The following IRF3 variants were observed in gnomAD, a reference collection of about 807,000 sequenced individuals.
IRF3 encodes interferon regulatory factor 3.
In IRF3, 29 loss-of-function variants were observed where a neutral mutation model predicts 43.2. The ratio of observed to expected loss-of-function variants is 0.67; its 90% confidence interval spans 0.50 to 0.91. The LOEUF (loss-of-function observed/expected upper bound fraction) is 0.91. IRF3 is among the 40% of genes least tolerant of loss of function. The pLI, the probability that IRF3 is intolerant of heterozygous loss-of-function variation, is 0.00. For synonymous variants in IRF3, 228 were observed against 233.9 expected (o/e 0.97, Z 0.23); for missense variants, 505 against 559.1 (o/e 0.90, Z 0.98).
At chr19:49,665,432 C>A (rs776450666) in intron 1 of IRF3, 199 bp downstream of exon 1, 3 of 191,018 alleles carry the variant, frequency 1.6e-5, no homozygotes, top group Admixed American at 5.4e-5. Context: ...AGTGTAGACG[C>A]CTCCTCTTTT....
chr19:49,665,556 C>T, intron 1 of IRF3, 75 bp downstream of exon 1: 1 of 427,372 alleles, frequency 2.3e-6, no homozygotes, highest in East Asian at 3.9e-5. Flanking sequence ...TTTCCACTCT[C>T]CGTGCAGACC....
intron 4 of IRF3, 40 bp downstream of exon 4, chr19:49,663,148 G>A (rs1267056043): frequency 6.5e-7 from 1 of 1,549,346 alleles, no homozygotes; most frequent in Non-Finnish European, 8.9e-7. Flanking sequence ...ATGGAGACAG[G>A]TCGGAGACTG....
chr19:49,665,818 A>G lies in IRF3; in HGVS notation c.-196T>C, dbSNP rs774082745. 6.3e-7 allele frequency: 1 copy of G among 1,585,278 alleles called. No individual in the cohort carries two copies. The highest frequency in any genetic ancestry group is 8.6e-7 in the Non-Finnish European group (1 of 1,158,606). ...ATCATTCTTTGGGTAACAGACCCAA[A>G]AGCCGATGGGACGGCCCGCTGGGCT... is the stretch of plus-strand genomic sequence containing the variant. On this transcript the variant is annotated 5_prime_UTR_variant, in exon 1 of 8. Coordinates refer to ENST00000377139, the MANE Select transcript of IRF3 (RefSeq NM_001571.6).
intron 4 of IRF3, 105 bp from the exon 5 acceptor site, chr19:49,662,722 C>T (rs2081395007): frequency 1.0e-6 from 1 of 963,028 alleles, no homozygotes. Flanking sequence ...CAGGCTTGAG[C>T]TCTGCCTTCA....
intron 4 of IRF3, 22 bp from the exon 5 acceptor site, chr19:49,662,639 G>T (rs986888522): frequency 6.6e-7 from 1 of 1,517,556 alleles, no homozygotes; most frequent in Middle Eastern, 1.7e-4. Context: ...CAAAAAAAGA[G>T]AATCAGGCAT....
In IRF3 at chr19:49,662,262, G is replaced by A. The variant is rs749588629; in HGVS notation, c.668C>T (p.Pro223Leu). ...GGACCCCACCAGCCGCAGGCCCTCC[G>A]GGCAGGAGATGGTCTGCTGGAAGAC... The part of the protein sequence containing the change: ...RQVFQQTISC[P>L]EGLRLVGSEV... The change falls in exon 6 of 8, where the codon CCG (proline) becomes CTG (leucine). Residue 223 changes from proline to leucine, a missense_variant. Physicochemically the swap from Pro to Leu is moderately conservative, Grantham distance 98 (BLOSUM62 -3). Transcript: ENST00000377139. The A allele has an allele frequency of 7.4e-6, 12 of 1,613,938 alleles. No individual in the cohort carries two copies. The highest frequency in any genetic ancestry group is 6.7e-5 in the Admixed American group (4 of 60,038).
chr19:49,665,008 C>A, intron 1 of IRF3, 162 bp from the exon 2 acceptor site: 3 of 710,490 alleles, frequency 4.2e-6, no homozygotes, highest in South Asian at 3.9e-5. Context: ...TCCTCCCATC[C>A]TCCCGAGAGG....
intron 7 of IRF3, 98 bp downstream of exon 7, chr19:49,660,615 T>G: frequency 1.5e-6 from 2 of 1,317,118 alleles, no homozygotes; most frequent in Non-Finnish European, 1.0e-6. Flanking sequence ...AAGTTGCAGT[T>G]TTTTAGAGGG....
rs59356506 is a variant in IRF3 at position 49,659,853 on chromosome 19, A to G, written c.1099-20T>C. On this transcript the variant is annotated intron_variant, in intron 7 of 7. Transcript: ENST00000377139. ...CACAACCTGCAGGGGAAGTGGGGAC[A>G]GGAGTCAGGGAAAACACCCAGCCAC... 3,142 of 1,558,922 alleles carry G rather than the reference A, an allele frequency of 2.0e-3. 58 individuals are homozygous for G. The African/African-American group carries it at 0.038, about 19-fold the overall frequency.
rs982156148 is a variant in IRF3 at position 49,662,615 on chromosome 19, T to C, written c.411A>G (p.Glu137=). Residue 137 remains glutamate, a splice_region_variant and synonymous_variant, in exon 5 of 8, where the codon GAA becomes GAG. Coordinates refer to ENST00000377139, the MANE Select transcript of IRF3 (RefSeq NM_001571.6). ...TACCCAGTAACTCATCCAGAATGTC[T>C]TCCTGGAGGGAAACAAAAAAAGAGA... ...NGGGSTSDTQ[E]DILDELLGNM... 24 of 1,526,396 alleles carry C rather than the reference T, an allele frequency of 1.6e-5. No individual in the cohort carries two copies. Among genetic ancestry groups the C allele is most frequent in the Non-Finnish European group, 2.0e-5 (23 of 1,139,412 alleles). 94.6% of individuals were successfully genotyped at this position (1,526,396 alleles called of 1,614,324 possible).
chr19:49,659,999 ACACACACACACACACACACACACACACAC>A (rs2081221789), intron 7 of IRF3, among the ~76,000 whole-genome samples, 166 bp from the exon 8 acceptor site: 1 of 114,490 alleles, frequency 8.7e-6, no homozygotes, highest in African/African-American at 4.5e-5. Context: ...ACACACACAC[ACACACACACACACACACACACACACACAC>A]CCCCTGCTGT....
chr19:49,663,701 TTTTTTC>T, intron 2 of IRF3, 187 bp from the exon 3 acceptor site: 1 of 597,962 alleles, frequency 1.7e-6, no homozygotes, highest in Non-Finnish European at 2.9e-6. Context: ...TCAAAAGGCT[TTTTTTC>T]TTTTTGAGAT....
Position 49,664,737 on chromosome 19 carries a change from G to T in IRF3, c.102C>A (p.Phe34Leu). The T allele has an allele frequency of 6.2e-7, 1 of 1,614,070 alleles. No homozygotes were observed. The highest frequency in any genetic ancestry group is 1.1e-5 in the South Asian group (1 of 91,084). Reference protein sequence around the residue: ...VAWVNKSRTRFRIPWKHGLRQ... With the variant: ...VAWVNKSRTRLRIPWKHGLRQ... The stretch of plus-strand genomic sequence containing the variant: ...GTAGGCCGTGCTTCCAAGGGATGCG[G>T]AAGCGCGTGCGGCTCTTGTTCACCC... Residue 34 changes from phenylalanine (F) to leucine (L), a missense_variant, in exon 2 of 8, where the codon TTC becomes TTA. Phe to Leu is a conservative substitution (Grantham distance 22). Coordinates refer to ENST00000377139, the MANE Select transcript of IRF3 (RefSeq NM_001571.6).
rs745931564 is a variant in IRF3 at position 49,661,989 on chromosome 19, T to A, written c.941A>T (p.Asp314Val). The change falls in exon 6 of 8, where the codon GAC becomes GTC. Residue 314 changes from aspartate to valine, a missense_variant. Asp to Val is a radical substitution (Grantham distance 152). Coordinates refer to ENST00000377139, the MANE Select transcript of IRF3 (RefSeq NM_001571.6). The part of the protein sequence containing the change: ...GHGPDGEVPK[D>V]KEGGVFDLGP... The stretch of plus-strand genomic sequence containing the variant: ...CAGGTCAAACACGCCTCCTTCCTTG[T>A]CCTTGGGGACCTCGCCATCAGGCCC... 6 of 1,613,814 alleles carry A rather than the reference T, an allele frequency of 3.7e-6. No individual in the cohort carries two copies.
chr19:49,660,027 A>ACACACACACACACACACACACACCC (rs57168131), intron 7 of IRF3, among the ~76,000 whole-genome samples, 194 bp from the exon 8 acceptor site: 3 of 74,714 alleles, frequency 4.0e-5, no homozygotes, highest in African/African-American at 2.0e-4. Flanking sequence ...ACACACACAC[A>ACACACACACACACACACACACACCC]CCCCCTGCTG....
Position 49,665,703 on chromosome 19 carries a change from C to A in IRF3, c.-81G>T. On this transcript the variant is annotated 5_prime_UTR_variant, in exon 1 of 8. Transcript: ENST00000377139. ...CTTGGAGCTCCGGGTAGCTCTCAAA[C>A]TCGAGGCTGCGCACCCCCTTTCCCG... 2 of 1,366,556 alleles carry A rather than the reference C, an allele frequency of 1.5e-6. No homozygotes were observed. Among genetic ancestry groups the A allele is most frequent in the South Asian group, 1.4e-5 (1 of 69,286 alleles). The allele number at this position is 1,366,556 out of a possible 1,614,324, so 84.7% of individuals were successfully genotyped here. A position where few individuals can be genotyped will look rare whatever the true frequency, so the allele number is the denominator to read the frequency against.
intron 1 of IRF3, chr19:49,665,179 C>T (rs2081614689): frequency 3.5e-6 from 1 of 289,496 alleles, no homozygotes; most frequent in East Asian, 7.3e-5. Context: ...CATCCTCTTT[C>T]CCTAGTTATT....
rs780166506 is a variant in IRF3 at position 49,662,634 on chromosome 19, AAAG to A, written c.409-20_409-18del. On this transcript the variant is annotated intron_variant, in intron 4 of 7. Coordinates refer to ENST00000377139, the MANE Select transcript of IRF3 (RefSeq NM_001571.6). ...AATGTCTTCCTGGAGGGAAACAAAA[AAAG>A]AGAATCAGGCATTTCCATATCCTTT... 37 of 1,524,048 alleles carry A rather than the reference AAAG, an allele frequency of 2.4e-5. No homozygotes were observed. In the African/African-American group the frequency reaches 3.9e-4, roughly 16 times the overall value. The allele number at this position is 1,524,048 out of a possible 1,614,324, so 94.4% of individuals were successfully genotyped here.
intron 6 of IRF3, chr19:49,661,111 G>A: frequency 2.3e-6 from 1 of 427,184 alleles, no homozygotes; most frequent in Non-Finnish European, 4.2e-6. Flanking sequence ...TGAATCTGGA[G>A]AAGCTGGTTG....
Sources: allele counts gnomAD v4.1 joint callset (sites outside exome capture counted in the v4.1 genomes callset), GRCh38; gene constraint gnomAD v4.1.1; transcripts MANE v1.5; gene names NCBI Gene and HGNC (gene_info 2026-07-23, HGNC 2026-07-21).